Variants in RANBP9 observed in about 807,000 individuals in gnomAD.
RANBP9 encodes the protein RAN binding protein 9.
Under a neutral mutation model 84.3 loss-of-function variants are expected in RANBP9, and 15 were observed. The observed-to-expected ratio is 0.18, with a 90% CI of 0.12 to 0.27. The LOEUF is 0.27. RANBP9 is among the 10% of genes least tolerant of loss of function. The pLI, the probability that RANBP9 is intolerant of heterozygous loss-of-function variation, is 1.00. For missense variants in RANBP9, 809 were observed against 912.8 expected, an observed-to-expected ratio of 0.89 and a Z score of 1.46; for synonymous variants, 392 against 349.6, an observed-to-expected ratio of 1.12 and a Z score of -1.35.
chr6:13,688,445 A>C (rs929342063), intron 2 of RANBP9, among the ~76,000 whole-genome samples: 1 of 152,114 alleles, frequency 6.6e-6, no homozygotes, highest in African/African-American at 2.4e-5. Context: ...CTCCTCCAAC[A>C]TACTTCTCTA....
At chr6:13,681,312 T>C (rs751751286) in intron 2 of RANBP9, among the ~76,000 whole-genome samples, 3 of 141,712 alleles carry the variant, frequency 2.1e-5, no homozygotes, top group Non-Finnish European at 4.6e-5. Flanking sequence ...TTTGGCGTGG[T>C]TGTTATGTAA....
chr6:13,688,559 T>C (rs1358437033), intron 2 of RANBP9, among the ~76,000 whole-genome samples: 1 of 152,178 alleles, frequency 6.6e-6, no homozygotes, highest in African/African-American at 2.4e-5. Context: ...GTAGGTACCC[T>C]TTCTCAGCCA....
chr6:13,686,364 C>A (rs1328736001), intron 2 of RANBP9, among the ~76,000 whole-genome samples: 1 of 152,116 alleles, frequency 6.6e-6, no homozygotes, highest in Non-Finnish European at 1.5e-5. Context: ...TGGCTCACTA[C>A]AGCCTCTGCC....
intron 12 of RANBP9, among the ~76,000 whole-genome samples, chr6:13,628,009 AC>A (rs1764669283): frequency 6.6e-6 from 1 of 152,180 alleles, no homozygotes; most frequent in Non-Finnish European, 1.5e-5. Context: ...GTGTTTAAAA[AC>A]TCAGAGAAAA....
intron 2 of RANBP9, among the ~76,000 whole-genome samples, chr6:13,665,620 C>A (rs1042025693): frequency 5.3e-5 from 8 of 152,120 alleles, no homozygotes; most frequent in African/African-American, 1.9e-4. Flanking sequence ...TACGACCCAG[C>A]AATACCACTC....
intron 1 of RANBP9, among the ~76,000 whole-genome samples, chr6:13,701,784 C>G (rs1190206865): frequency 6.6e-6 from 1 of 151,134 alleles, no homozygotes; most frequent in East Asian, 1.9e-4. Flanking sequence ...AAAAAAAAAC[C>G]AAAAAAACAA....
At chr6:13,664,183 G>A (rs1765594738) in intron 2 of RANBP9, among the ~76,000 whole-genome samples, 1 of 152,060 alleles carries the variant, frequency 6.6e-6, no homozygotes, top group Non-Finnish European at 1.5e-5. Context: ...AGGATACAAA[G>A]TTAATATACA....
rs373961069 is a variant in RANBP9, at chr6:13,632,609, C to T, written c.1796-88G>A. 2.5e-5 allele frequency: 30 copies of T among 1,221,882 alleles called. No homozygotes were observed. The South Asian group carries it at 3.5e-4, about 14-fold the overall frequency. The allele number at this position is 1,221,882 out of a possible 1,614,324, so 75.7% of individuals were successfully genotyped here. On this transcript the variant is annotated intron_variant, in intron 11 of 13. Coordinates refer to ENST00000011619, the MANE Select transcript of RANBP9 (RefSeq NM_005493.3). ...CATACATTTCTTATACCATTTTGTACATTTAGTAACTATTCCCTAATATTT... is the reference window on the plus strand; with the variant it reads ...CATACATTTCTTATACCATTTTGTATATTTAGTAACTATTCCCTAATATTT...
intron 6 of RANBP9, among the ~76,000 whole-genome samples, 175 bp downstream of exon 6, chr6:13,644,365 TTTTAA>T (rs1218540546): frequency 6.6e-6 from 1 of 152,194 alleles, no homozygotes; most frequent in Non-Finnish European, 1.5e-5. Context: ...AAACAATTGT[TTTTAA>T]TTTGTTTAAA....
chr6:13,707,877 C>T (rs1486258470), intron 1 of RANBP9, among the ~76,000 whole-genome samples: 2 of 152,176 alleles, frequency 1.3e-5, no homozygotes. Flanking sequence ...CACATTTGTA[C>T]TTATTCAATA....
At chr6:13,625,840 G>A in intron 12 of RANBP9, 76 bp from the exon 13 acceptor site, 1 of 1,020,586 alleles carries the variant, frequency 9.8e-7, no homozygotes, top group Non-Finnish European at 1.5e-6. Context: ...CAAGTTGAGA[G>A]GTAAAATATG....
intron 1 of RANBP9, among the ~76,000 whole-genome samples, chr6:13,701,965 CCTCT>C (rs933473291): frequency 3.3e-5 from 5 of 152,228 alleles, no homozygotes; most frequent in African/African-American, 1.2e-4. Context: ...TCTCTAGAAG[CCTCT>C]CTGTCAGCCT....
chr6:13,701,096 T>C (rs1172166399), intron 1 of RANBP9, among the ~76,000 whole-genome samples: 1 of 152,272 alleles, frequency 6.6e-6, no homozygotes, highest in Admixed American at 6.5e-5. Context: ...ACTCTTTGTG[T>C]TTTTTCTCCC....
At chr6:13,674,075 C>A (rs1004418469) in intron 2 of RANBP9, among the ~76,000 whole-genome samples, 3 of 149,034 alleles carry the variant, frequency 2.0e-5, no homozygotes, top group Admixed American at 6.7e-5. Flanking sequence ...CAGAGGGAGA[C>A]CTTGTCTCAA....
At chr6:13,671,359 A>G (rs773593997) in intron 2 of RANBP9, among the ~76,000 whole-genome samples, 14 of 152,358 alleles carry the variant, frequency 9.2e-5, no homozygotes, top group Non-Finnish European at 1.6e-4. Context: ...TCTTCATAAC[A>G]GCAATATTCT....
intron 2 of RANBP9, among the ~76,000 whole-genome samples, chr6:13,676,328 A>AAAAC (rs1765885450): frequency 6.6e-6 from 1 of 152,262 alleles, no homozygotes; most frequent in South Asian, 2.1e-4. Flanking sequence ...CCTTCCAAAA[A>AAAAC]AAACAAACAC....
chr6:13,648,147 T>G (rs1765215660), intron 5 of RANBP9, among the ~76,000 whole-genome samples: 2 of 136,214 alleles, frequency 1.5e-5, no homozygotes, highest in South Asian at 5.3e-4. Context: ...ACTGGTTTTT[T>G]TTTTTTTTTT....
intron 11 of RANBP9, 60 bp downstream of exon 11, chr6:13,634,371 A>G (rs988455401): frequency 5.1e-6 from 8 of 1,566,170 alleles, no homozygotes; most frequent in Middle Eastern, 3.4e-4. Flanking sequence ...CAGTACAAGT[A>G]AAAACATAAC....
intron 10 of RANBP9, among the ~76,000 whole-genome samples, chr6:13,635,048 T>C (rs1470530904): frequency 1.3e-5 from 2 of 152,312 alleles, no homozygotes; most frequent in East Asian, 1.9e-4. Flanking sequence ...AGGCTGTTTT[T>C]AAATAGCATT....
Sources: gnomAD v4.1 joint callset for allele counts (sites outside exome capture counted in the v4.1 genomes callset) on GRCh38, gnomAD v4.1.1 for gene constraint, MANE v1.5 for transcripts, NCBI Gene and HGNC (gene_info 2026-07-23, HGNC 2026-07-21) for gene names.